Variants in CILP2 observed in about 807,000 individuals in gnomAD.
The protein encoded by CILP2 is CILP-2.
CILP2 carries 38 observed loss-of-function variants against 45.6 expected under a neutral mutation model. That is an observed-to-expected ratio of 0.83 (90% CI 0.64 to 1.09). The LOEUF (loss-of-function observed/expected upper bound fraction) is 1.09, where lower values mean the gene tolerates loss of function less well. Ranked by LOEUF, CILP2 falls within the 50% of genes least tolerant of loss-of-function variation. The probability of loss-of-function intolerance (pLI) is 0.00; values close to 1 mark genes in which losing one functional copy is unlikely to be tolerated. For synonymous variants in CILP2, 780 were observed against 723.5 expected, an observed-to-expected ratio of 1.08 and a Z score of -1.25; for missense variants, 1,735 against 1,662.2, an observed-to-expected ratio of 1.04 and a Z score of -0.76.
rs113107495 is a variant in CILP2 at position 19,541,194 on chromosome 19, G to T, written c.540G>T (p.Ala180=). Residue 180 remains alanine (A), a synonymous_variant, in exon 4 of 8, where the codon GCG becomes GCT. Coordinates refer to ENST00000291495, the MANE Select transcript of CILP2 (RefSeq NM_153221.2). ...RRHCPSPAGD[A]CPGRPLEAQK... ...ACTGCCCAAGCCCCGCTGGGGATGC[G>T]TGTCCCGGGCGTCCTCTGGAGGCGC... 1.5e-5 allele frequency: 19 copies of T among 1,274,544 alleles called. No individual in the cohort carries two copies. In the African/African-American group the frequency reaches 2.6e-4, roughly 17 times the overall value. 79.0% of individuals were successfully genotyped at this position (1,274,544 alleles called of 1,614,324 possible). A position where few individuals can be genotyped will look rare whatever the true frequency, so the allele number is the denominator to read the frequency against.
Position 19,540,419 on chromosome 19 carries a change from G to T in CILP2, c.379G>T (p.Glu127Ter), listed in dbSNP as rs1447783385. The stretch of plus-strand genomic sequence containing the variant: ...GCGCGGCTTCTGGTGCCTCAACCGC[G>T]AGCAACCGCGTGGCCGCCGCTGCTC... ...PTRGFWCLNR[E>*]QPRGRRCSNY... is the part of the protein sequence containing the mutation. The change falls in exon 3 of 8, where the codon GAG becomes TAG. Residue 127 changes from glutamate to a stop codon, truncating the protein, a stop_gained. Coordinates refer to ENST00000291495, the MANE Select transcript of CILP2 (RefSeq NM_153221.2). LOFTEE classifies it high-confidence loss of function. The T allele has an allele frequency of 6.7e-7, 1 of 1,492,498 alleles. No individual in the cohort carries two copies. The highest frequency in any genetic ancestry group is 1.3e-5 in the South Asian group (1 of 77,988). 92.5% of individuals were successfully genotyped at this position (1,492,498 alleles called of 1,614,324 possible).
At chr19:19,541,325 G>T in intron 4 of CILP2, 79 bp downstream of exon 4, 1 of 1,194,256 alleles carries the variant, frequency 8.4e-7, no homozygotes, top group Non-Finnish European at 1.1e-6. Context: ...CTGGGAGAGA[G>T]GGTGGAGTTA....
chr19:19,539,659 T>C lies in CILP2; in HGVS notation c.65-20T>C. The C allele has an allele frequency of 6.5e-7, 1 of 1,529,122 alleles. No individual in the cohort carries two copies. Among genetic ancestry groups the C allele is most frequent in the South Asian group, 1.2e-5 (1 of 82,020 alleles). The allele number at this position is 1,529,122 out of a possible 1,614,324, so 94.7% of individuals were successfully genotyped here. On this transcript the variant is annotated intron_variant, in intron 1 of 7. Transcript: ENST00000291495. ...CCATCAGTAGCAGCGTGCTTCCTTCTCCCCACTCCTCACCCACAGACGCCA... is the reference window on the plus strand; with the variant it reads ...CCATCAGTAGCAGCGTGCTTCCTTCCCCCCACTCCTCACCCACAGACGCCA...
chr19:19,539,772 G>A lies in CILP2; in HGVS notation c.158G>A (p.Trp53Ter). 1 of 1,587,272 alleles carries A rather than the reference G, an allele frequency of 6.3e-7. No individual in the cohort carries two copies. The highest frequency in any genetic ancestry group is 1.7e-5 in the Admixed American group (1 of 57,548). ...TGQPSPALEDWEEASEWTSWF... is the reference protein window; with the variant it reads ...TGQPSPALED ...CAGCCCTCACCAGCCCTGGAGGACT[G>A]GGAAGGTGAGTTAGCCTGCCTCGGA... Residue 53 changes from tryptophan to a stop codon, truncating the protein, a stop_gained, in exon 2 of 8, where the codon TGG becomes TAG. Transcript: ENST00000291495. LOFTEE classifies it high-confidence loss of function.
At position 19,544,781 on chromosome 19, in the gene CILP2, AACG is replaced by A; in HGVS notation, c.2239_2241del (p.Asp747del). On this transcript the variant is annotated inframe_deletion, in exon 8 of 8. Coordinates refer to ENST00000291495, the MANE Select transcript of CILP2 (RefSeq NM_153221.2). Reference sequence around the variant, plus strand: ...CTTCGTGAAGGTGCGCGCCTACGCCAACGACAAGTTCACCCCCAGCGAGCAGGT... The same window carrying A: ...CTTCGTGAAGGTGCGCGCCTACGCCAACAAGTTCACCCCCAGCGAGCAGGT... The A allele has an allele frequency of 1.9e-6, 3 of 1,606,682 alleles. No individual in the cohort carries two copies. The highest frequency in any genetic ancestry group is 2.5e-6 in the Non-Finnish European group (3 of 1,179,602).
Position 19,540,496 on chromosome 19 carries a change from ACGGGGG to A in CILP2, c.436+26_436+31del. ...CACTAGGTGAGGGCGGGGCTGGATGACGGGGGCGGGGCTTTGAATGGGCGGGGCTGG... is the reference window on the plus strand; with the variant it reads ...CACTAGGTGAGGGCGGGGCTGGATGACGGGGCTTTGAATGGGCGGGGCTGG... On this transcript the variant is annotated intron_variant, in intron 3 of 7. Transcript: ENST00000291495. 1.0e-6 allele frequency: 1 copy of A among 962,238 alleles called. No individual in the cohort carries two copies. Among genetic ancestry groups the A allele is most frequent in the Non-Finnish European group, 1.3e-6 (1 of 796,958 alleles). The allele number at this position is 962,238 out of a possible 1,614,324, so 59.6% of individuals were successfully genotyped here. A position where few individuals can be genotyped will look rare whatever the true frequency, so the allele number is the denominator to read the frequency against.
In CILP2 at chr19:19,540,685, G is replaced by A. The variant is rs1357324555; in HGVS notation, c.436+209G>A. The A allele has an allele frequency of 6.6e-6, 4 of 601,716 alleles. No homozygotes were observed. The East Asian group carries it at 1.3e-4, about 20-fold the overall frequency. 37.3% of individuals were successfully genotyped at this position (601,716 alleles called of 1,614,324 possible). A position where few individuals can be genotyped will look rare whatever the true frequency, so the allele number is the denominator to read the frequency against. On this transcript the variant is annotated intron_variant, in intron 3 of 7. Transcript: ENST00000291495. ...CTTTTGAAGAGAGGCGCTGGGAACA[G>A]CGCGGGGCCCAAGTGCACCGTCAGG...
In CILP2 at chr19:19,546,077, G is replaced by A; in HGVS notation, c.*61G>A. The A allele has an allele frequency of 7.5e-7, 1 of 1,341,084 alleles. No individual in the cohort carries two copies. The highest frequency in any genetic ancestry group is 9.6e-7 in the Non-Finnish European group (1 of 1,039,840). The allele number at this position is 1,341,084 out of a possible 1,614,324, so 83.1% of individuals were successfully genotyped here. ...GACTCCTTTGACCCCAGGAAGTTTTGCCCCTCCTTCTTCTCCAGACAGCCC... is the reference window on the plus strand; with the variant it reads ...GACTCCTTTGACCCCAGGAAGTTTTACCCCTCCTTCTTCTCCAGACAGCCC... On this transcript the variant is annotated 3_prime_UTR_variant, in exon 8 of 8. Coordinates refer to ENST00000291495, the MANE Select transcript of CILP2 (RefSeq NM_153221.2).
intron 1 of CILP2, 100 bp from the exon 2 acceptor site, chr19:19,539,579 A>ATGG: frequency 3.1e-6 from 2 of 652,686 alleles, no homozygotes; most frequent in Non-Finnish European, 4.6e-6. Context: ...AAAAAAAAAA[A>ATGG]AGGGGGGGGA....
In CILP2 at chr19:19,544,653, C is replaced by T. The variant is rs771375583; in HGVS notation, c.2108C>T (p.Ser703Leu). Reference protein sequence around the residue: ...EESGFRREGSSGPRVRREERV... With the variant: ...EESGFRREGSLGPRVRREERV... ...AGCGGCTTCCGGCGCGAGGGGTCCT[C>T]GGGCCCCCGGGTGCGCCGGGAGGAG... Residue 703 changes from serine to leucine, a missense_variant, in exon 8 of 8, where the codon TCG becomes TTG. Coordinates refer to ENST00000291495, the MANE Select transcript of CILP2 (RefSeq NM_153221.2). 14 of 1,551,154 alleles carry T rather than the reference C, an allele frequency of 9.0e-6. No individual in the cohort carries two copies. Among genetic ancestry groups the T allele is most frequent in the East Asian group, 2.3e-5 (1 of 43,608 alleles).
In CILP2 at chr19:19,540,233, G is replaced by C; in HGVS notation, c.193G>C (p.Val65Leu). 4 of 1,600,330 alleles carry C rather than the reference G, an allele frequency of 2.5e-6. No homozygotes were observed. Among genetic ancestry groups the C allele is most frequent in the Non-Finnish European group, 3.4e-6 (4 of 1,176,116 alleles). The change falls in exon 3 of 8, where the codon GTG (valine) becomes CTG (leucine). Residue 65 changes from valine (V) to leucine (L), a missense_variant. By Grantham distance (32) the Val-to-Leu change is conservative. Transcript: ENST00000291495. The stretch of plus-strand genomic sequence containing the variant: ...CAGCGAGTGGACGTCCTGGTTCAAC[G>C]TGGACCACCCCGGAGGCGACGGCGA... ...EASEWTSWFN[V>L]DHPGGDGDFE...
At position 19,544,990 on chromosome 19, in the gene CILP2, C is replaced by T. The variant is rs200778798; in HGVS notation, c.2445C>T (p.Gly815=). The change falls in exon 8 of 8, where the codon GGC becomes GGT. Residue 815 remains glycine, a synonymous_variant. Coordinates refer to ENST00000291495, the MANE Select transcript of CILP2 (RefSeq NM_153221.2). ...CCCTGGTCACCGCCACCCTGGGCGG[C>T]GAGGAGCTGGAGCCGGCCCCTTCCT... ...YTALVTATLG[G]EELEPAPSLP... The T allele has an allele frequency of 5.0e-6, 8 of 1,598,304 alleles. No individual in the cohort carries two copies. The highest frequency in any genetic ancestry group is 2.2e-5 in the East Asian group (1 of 44,642).
intron 7 of CILP2, 21 bp downstream of exon 7, chr19:19,543,426 C>T (rs2061251623): frequency 6.2e-7 from 1 of 1,611,688 alleles, no homozygotes. Flanking sequence ...TTGGCCACAG[C>T]CCCGAGCAAG....
At position 19,546,070 on chromosome 19, in the gene CILP2, A is replaced by G. The variant is rs1190641993; in HGVS notation, c.*54A>G. 1 of 1,352,098 alleles carries G rather than the reference A, an allele frequency of 7.4e-7. No individual in the cohort carries two copies. The highest frequency in any genetic ancestry group is 3.1e-5 in the Admixed American group (1 of 32,158). The allele number at this position is 1,352,098 out of a possible 1,614,324, so 83.8% of individuals were successfully genotyped here. A position where few individuals can be genotyped will look rare whatever the true frequency, so the allele number is the denominator to read the frequency against. On this transcript the variant is annotated 3_prime_UTR_variant, in exon 8 of 8. Coordinates refer to ENST00000291495, the MANE Select transcript of CILP2 (RefSeq NM_153221.2). The stretch of plus-strand genomic sequence containing the variant: ...CCCTCCAGACTCCTTTGACCCCAGG[A>G]AGTTTTGCCCCTCCTTCTTCTCCAG...
rs748665426 is a variant in CILP2, at chr19:19,543,208, C to G, written c.978-40C>G. The G allele has an allele frequency of 6.9e-6, 11 of 1,595,124 alleles. No individual in the cohort carries two copies. The South Asian group carries it at 1.1e-4, about 16-fold the overall frequency. On this transcript the variant is annotated intron_variant, in intron 6 of 7. Coordinates refer to ENST00000291495, the MANE Select transcript of CILP2 (RefSeq NM_153221.2). ...CTGCAGACTGGGGGCAACACAGCCCCTCCCACTGAGTCCTATGGTGTCGCT... is the reference window on the plus strand; with the variant it reads ...CTGCAGACTGGGGGCAACACAGCCCGTCCCACTGAGTCCTATGGTGTCGCT...
In CILP2 at chr19:19,545,115, A is replaced by ACGG; in HGVS notation, c.2572_2574dup (p.Gly858dup). The ACGG allele has an allele frequency of 6.2e-7, 1 of 1,611,992 alleles. No homozygotes were observed. The highest frequency in any genetic ancestry group is 8.5e-7 in the Non-Finnish European group (1 of 1,179,686). ...CACGACGATCCCGCCTTCAAGCGTA[A>ACGG]CGGCTTCCGCATCAACCTCGCCAAG... On this transcript the variant is annotated inframe_insertion, in exon 8 of 8. Transcript: ENST00000291495.
Position 19,545,095 on chromosome 19 carries a change from C to A in CILP2, c.2550C>A (p.Asp850Glu), listed in dbSNP as rs1568370469. Residue 850 changes from aspartate to glutamate, a missense_variant, in exon 8 of 8, where the codon GAC (aspartate) becomes GAA (glutamate). Coordinates refer to ENST00000291495, the MANE Select transcript of CILP2 (RefSeq NM_153221.2). ...DRLGYRRTDH[D>E]DPAFKRNGFR... ...TGGGGTACCGTCGGACGGACCACGA[C>A]GATCCCGCCTTCAAGCGTAACGGCT... 2 of 1,611,226 alleles carry A rather than the reference C, an allele frequency of 1.2e-6. No individual in the cohort carries two copies. Among genetic ancestry groups the A allele is most frequent in the African/African-American group, 1.3e-5 (1 of 75,064 alleles).
At chr19:19,542,809 G>A in intron 5 of CILP2, 55 bp from the exon 6 acceptor site, 4 of 1,560,752 alleles carry the variant, frequency 2.6e-6, no homozygotes, top group Non-Finnish European at 3.5e-6. Context: ...TGGGGACGTT[G>A]CTCCTAGGAA....
chr19:19,538,682 C>T (rs1472900247), intron 1 of CILP2, among the ~76,000 whole-genome samples: 1 of 152,224 alleles, frequency 6.6e-6, no homozygotes. Context: ...GGTCTCCCAC[C>T]CTGGACCGAA....
Sources: gnomAD v4.1 joint callset for allele counts (sites outside exome capture counted in the v4.1 genomes callset) on GRCh38, gnomAD v4.1.1 for gene constraint, MANE v1.5 for transcripts, NCBI Gene and HGNC (gene_info 2026-07-23, HGNC 2026-07-21) for gene names.